LCOR: variants seen among roughly 807,000 people sequenced by gnomAD.
LCOR encodes the protein ligand dependent nuclear receptor corepressor, also known as ligand-dependent corepressor.
Under a neutral mutation model 64.4 loss-of-function variants are expected in LCOR, and 14 were observed. The ratio of observed to expected loss-of-function variants is 0.22; its 90% CI spans 0.14 to 0.34. LCOR has a LOEUF of 0.34. LCOR is among the 10% of genes least tolerant of loss of function. The pLI, the probability that LCOR is intolerant of heterozygous loss-of-function variation, is 1.00. For synonymous variants in LCOR, 643 were observed against 642.5 expected (o/e 1.00, Z -0.01); for missense variants, 1,686 against 1,765.3 (o/e 0.96, Z 0.80).
At chr10:96,832,882 C>G (rs1022179028) in intron 1 of LCOR, 23 of 635,678 alleles carry the variant, frequency 3.6e-5, no homozygotes, top group African/African-American at 1.6e-4. Context: ...ACCCCTCCCC[C>G]ACGCGCGGGG....
intron 2 of LCOR, among the ~76,000 whole-genome samples, chr10:96,865,362 T>C (rs1845953166): frequency 6.6e-6 from 1 of 152,192 alleles, no homozygotes; most frequent in Non-Finnish European, 1.5e-5. Context: ...CAATTATACC[T>C]AGGCACTAGA....
intron 5 of LCOR, among the ~76,000 whole-genome samples, chr10:96,948,081 C>T (rs1847618552): frequency 6.6e-6 from 1 of 152,148 alleles, no homozygotes; most frequent in African/African-American, 2.4e-5. Flanking sequence ...TATATTTATA[C>T]AAGTCATTTT....
chr10:96,842,884 G>GC (rs1333488033), intron 2 of LCOR, among the ~76,000 whole-genome samples: 1 of 151,922 alleles, frequency 6.6e-6, no homozygotes, highest in African/African-American at 2.4e-5. Flanking sequence ...ACCCACCTTG[G>GC]CCCCCCAAAT....
At position 96,986,295 on chromosome 10, in the gene LCOR, C is replaced by CGTA. The variant is rs1324906652; in HGVS notation, c.*1161_*1162insGTA. ...GTGTCTCTGTGAGCATCCCCAATAC[C>CGTA]ACTTTGGTACCAGACTCAGAAAGAT... On this transcript the variant is annotated 3_prime_UTR_variant, in exon 8 of 8. Transcript: ENST00000421806. The CGTA allele has an allele frequency of 6.2e-6, 1 of 161,170 alleles. No homozygotes were observed. Among genetic ancestry groups the CGTA allele is most frequent in the Non-Finnish European group, 1.5e-5 (1 of 68,096 alleles). 10.0% of individuals were successfully genotyped at this position (161,170 alleles called of 1,614,324 possible).
intron 7 of LCOR, chr10:96,955,120 A>G (rs570890620): frequency 2.5e-6 from 4 of 1,614,144 alleles, no homozygotes; most frequent in East Asian, 2.2e-5. Flanking sequence ...CTGAGCAGAA[A>G]CCAATTGTCC....
chr10:96,983,077 G>T lies in LCOR; in HGVS notation c.2617G>T (p.Asp873Tyr). The T allele has an allele frequency of 6.2e-7, 1 of 1,613,682 alleles. No individual in the cohort carries two copies. The highest frequency in any genetic ancestry group is 1.1e-5 in the South Asian group (1 of 91,072). Residue 873 changes from aspartate (D) to tyrosine (Y), a missense_variant, in exon 8 of 8, where the codon GAC (aspartate) becomes TAC (tyrosine). Asp to Tyr is a radical substitution (Grantham distance 160). This residue lies in a region of LCOR where 1,293 missense variants were observed against 1,410.4 expected (regional missense o/e 0.92). Transcript: ENST00000421806. The surrounding 1 kb of genome is among the most constrained non-coding windows in gnomAD (Gnocchi z 4.5). ...GGTTPKGLLP[D>Y]SFHTETLEDT... ...GACAACACCTAAGGGCCTTCTACCT[G>T]ACAGTTTCCACACGGAAACTCTGGA...
rs745474661 is a variant in LCOR, at chr10:96,955,930, G to A, written c.332+3734G>A. 8 of 1,607,890 alleles carry A rather than the reference G, an allele frequency of 5.0e-6. No homozygotes were observed. In the South Asian group the frequency reaches 6.7e-5, roughly 13 times the overall value. On this transcript the variant is annotated intron_variant, in intron 7 of 7. Coordinates refer to ENST00000421806, the MANE Select transcript of LCOR (RefSeq NM_001346516.2). Reference sequence around the variant, plus strand: ...GAATCAAAAAACGAGTAGGAATACTGTAGAGTGCCAATTACTGTACAAACT... The same window carrying A: ...GAATCAAAAAACGAGTAGGAATACTATAGAGTGCCAATTACTGTACAAACT...
chr10:96,969,950 T>TC (rs1324882793), intron 7 of LCOR, among the ~76,000 whole-genome samples: 4 of 130,132 alleles, frequency 3.1e-5, no homozygotes, highest in Admixed American at 1.5e-4. Context: ...TGGATAATTT[T>TC]TTTTTTTTTT....
intron 2 of LCOR, among the ~76,000 whole-genome samples, chr10:96,853,502 C>T (rs1367310657): frequency 1.3e-5 from 2 of 152,182 alleles, no homozygotes; most frequent in African/African-American, 4.8e-5. Context: ...ATTTATTGAA[C>T]TCAAGAGTTT....
chr10:96,937,656 C>G (rs935288645), intron 4 of LCOR, among the ~76,000 whole-genome samples: 2 of 152,140 alleles, frequency 1.3e-5, no homozygotes, highest in African/African-American at 4.8e-5. Flanking sequence ...TCTGCCTTCA[C>G]TGGCATATTC....
intron 7 of LCOR, among the ~76,000 whole-genome samples, chr10:96,966,964 G>A (rs1233974487): frequency 6.6e-6 from 1 of 152,174 alleles, no homozygotes; most frequent in African/African-American, 2.4e-5. Flanking sequence ...TCGAACTCCT[G>A]AGCACAAGTG....
At chr10:96,947,220 A>G (rs950771318) in intron 5 of LCOR, among the ~76,000 whole-genome samples, 2 of 152,082 alleles carry the variant, frequency 1.3e-5, no homozygotes, top group Admixed American at 1.3e-4. Flanking sequence ...TATAGTCTCT[A>G]TTTATAGAGA....
Position 96,915,545 on chromosome 10 carries a change from CTGCATTTTTA to C in LCOR, c.-184+7801_-184+7810del, listed in dbSNP as rs1176678002. ...CTAAATAAATAAATAAAACAAAATT[CTGCATTTTTA>C]TGAAACTTGGTAAAAAATAGAATTT... On this transcript the variant is annotated intron_variant, in intron 4 of 7. Coordinates refer to ENST00000421806, the MANE Select transcript of LCOR (RefSeq NM_001346516.2). 31 of 615,502 alleles carry C rather than the reference CTGCATTTTTA, an allele frequency of 5.0e-5. No individual in the cohort carries two copies. In the East Asian group the frequency reaches 9.1e-4, roughly 18 times the overall value. 38.1% of individuals were successfully genotyped at this position (615,502 alleles called of 1,614,324 possible).
chr10:96,887,588 C>G (rs1165309368), intron 2 of LCOR, among the ~76,000 whole-genome samples: 1 of 151,254 alleles, frequency 6.6e-6, no homozygotes, highest in Non-Finnish European at 1.5e-5. Flanking sequence ...ACTACTTAAT[C>G]ATGAGCCTTG....
intron 7 of LCOR, among the ~76,000 whole-genome samples, chr10:96,977,842 C>T (rs764293096): frequency 8.5e-5 from 13 of 152,058 alleles, no homozygotes; most frequent in Admixed American, 2.0e-4. Flanking sequence ...ACAGCTAGCC[C>T]AGTGATTTTT....
intron 7 of LCOR, chr10:96,961,018 C>T (rs768500135): frequency 6.6e-6 from 1 of 152,006 alleles, no homozygotes; most frequent in African/African-American, 2.4e-5. Context: ...GCTATAAACT[C>T]TAAGTGTTAG....
Position 96,907,737 on chromosome 10 carries a change from A to C in LCOR, c.-194A>C, listed in dbSNP as rs1165624116. 1 of 977,448 alleles carries C rather than the reference A, an allele frequency of 1.0e-6. No homozygotes were observed. Among genetic ancestry groups the C allele is most frequent in the Non-Finnish European group, 1.2e-6 (1 of 822,428 alleles). The allele number at this position is 977,448 out of a possible 1,614,324, so 60.5% of individuals were successfully genotyped here. A position where few individuals can be genotyped will look rare whatever the true frequency, so the allele number is the denominator to read the frequency against. On this transcript the variant is annotated 5_prime_UTR_variant, in exon 4 of 8. Coordinates refer to ENST00000421806, the MANE Select transcript of LCOR (RefSeq NM_001346516.2). ...TGTTTATTCTGTTGCTTGAGAAGAG[A>C]TAAAGTAAAGGTAACTAAGAAGCCT...
At chr10:96,980,656 G>T (rs1337817467) in intron 7 of LCOR, 137 bp from the exon 8 acceptor site, 2 of 574,668 alleles carry the variant, frequency 3.5e-6, no homozygotes, top group East Asian at 2.9e-5. Context: ...AGATCAGCCT[G>T]GCCAACATAG....
intron 2 of LCOR, among the ~76,000 whole-genome samples, chr10:96,864,238 C>T (rs1352983199): frequency 6.6e-6 from 1 of 152,162 alleles, no homozygotes; most frequent in Admixed American, 6.5e-5. Flanking sequence ...ACACAGAGGA[C>T]AGTCCAACAT....
Sources: allele counts gnomAD v4.1 joint callset (sites outside exome capture counted in the v4.1 genomes callset), GRCh38; gene constraint gnomAD v4.1.1; regional missense constraint gnomAD v4.1.1; non-coding constraint Gnocchi (gnomAD v3.1); transcripts MANE v1.5; gene names NCBI Gene and HGNC (gene_info 2026-07-23, HGNC 2026-07-21).